The following RELN variants were observed in gnomAD, a reference collection of about 807,000 sequenced individuals.
RELN encodes the protein reelin.
RELN carries 108 observed loss-of-function variants against 427.6 expected under a neutral mutation model. The ratio of observed to expected loss-of-function variants is 0.25; its 90% CI spans 0.22 to 0.30. RELN has a LOEUF of 0.30. Among genes scored for constraint, RELN ranks in the 10% least tolerant of loss-of-function variants. The pLI, the probability that RELN is intolerant of heterozygous loss-of-function variation, is 1.00. For synonymous variants in RELN, 1,524 were observed against 1,513.4 expected (o/e 1.01, Z -0.16); for missense variants, 3,715 against 4,302.8 (o/e 0.86, Z 3.82).
intron 1 of RELN, among the ~76,000 whole-genome samples, chr7:103,964,239 A>G (rs1796618460): frequency 6.6e-6 from 1 of 152,170 alleles, no homozygotes; most frequent in Non-Finnish European, 1.5e-5. Flanking sequence ...AGATTTCCTT[A>G]TTATGTTACT....
At chr7:103,924,862 G>A (rs534767121) in intron 1 of RELN, among the ~76,000 whole-genome samples, 1 of 151,974 alleles carries the variant, frequency 6.6e-6, no homozygotes, top group Non-Finnish European at 1.5e-5. Context: ...GTTTAGATGA[G>A]AGCACTTGGT....
intron 30 of RELN, among the ~76,000 whole-genome samples, 167 bp from the exon 31 acceptor site, chr7:103,572,427 T>A (rs1830903478): frequency 6.6e-6 from 1 of 152,226 alleles, no homozygotes; most frequent in African/African-American, 2.4e-5. Flanking sequence ...GTAAGTTAAT[T>A]CTGTAACCAT....
chr7:103,489,036 C>CTGTT (rs1285767854), intron 60 of RELN, among the ~76,000 whole-genome samples: 9 of 152,290 alleles, frequency 5.9e-5, no homozygotes, highest in Admixed American at 5.9e-4. Flanking sequence ...AGGCTGAAAC[C>CTGTT]TGTTAGAAAC....
At chr7:103,913,974 G>C (rs1179832438) in intron 2 of RELN, among the ~76,000 whole-genome samples, 3 of 152,160 alleles carry the variant, frequency 2.0e-5, no homozygotes, top group African/African-American at 7.2e-5. Flanking sequence ...GGAAGTCGCT[G>C]ATGGGCTCTG....
At chr7:103,527,687 G>T (rs1456651613) in intron 46 of RELN, among the ~76,000 whole-genome samples, 1 of 152,280 alleles carries the variant, frequency 6.6e-6, no homozygotes, top group East Asian at 1.9e-4. Context: ...TATTTGCCTT[G>T]CAAGCCAAGA....
chr7:103,637,446 G>C (rs780451050), intron 17 of RELN, among the ~76,000 whole-genome samples: 7 of 152,166 alleles, frequency 4.6e-5, no homozygotes, highest in African/African-American at 7.2e-5. Flanking sequence ...GTACTACTGA[G>C]ACTTGGGTCT....
At chr7:103,812,657 TC>T (rs1792772440) in intron 3 of RELN, among the ~76,000 whole-genome samples, 1 of 152,198 alleles carries the variant, frequency 6.6e-6, no homozygotes, top group African/African-American at 2.4e-5. Context: ...CTTTTCTTTT[TC>T]TTACTACTTT....
intron 2 of RELN, among the ~76,000 whole-genome samples, chr7:103,870,594 A>G (rs996473912): frequency 6.6e-6 from 1 of 152,060 alleles, no homozygotes; most frequent in African/African-American, 2.4e-5. Flanking sequence ...CCTTATTGCC[A>G]AAGCATGACC....
At chr7:103,827,980 T>C (rs113213451) in intron 3 of RELN, among the ~76,000 whole-genome samples, 1,881 of 152,200 alleles carry the variant, frequency 0.012, 33 homozygotes, top group African/African-American at 0.042. Context: ...AATATTTGTA[T>C]GCATCCATTG....
At chr7:103,874,312 T>A in intron 2 of RELN, among the ~76,000 whole-genome samples, 1 of 133,046 alleles carries the variant, frequency 7.5e-6, no homozygotes, top group Non-Finnish European at 1.6e-5. Flanking sequence ...AGGGATGTCC[T>A]CTCTCACCAC....
At chr7:103,529,713 A>G (rs2191706) in intron 46 of RELN, among the ~76,000 whole-genome samples, 111,983 of 151,818 alleles carry the variant, frequency 0.74, 41,513 homozygotes, top group Middle Eastern at 0.8. Context: ...ATAAAGAGGC[A>G]GTACTAATAC....
chr7:103,629,040 A>T (rs1832393555), intron 20 of RELN, among the ~76,000 whole-genome samples: 1 of 152,194 alleles, frequency 6.6e-6, no homozygotes, highest in South Asian at 2.1e-4. Flanking sequence ...AACTGTGTGC[A>T]CTGCAGTTTC....
intron 3 of RELN, among the ~76,000 whole-genome samples, chr7:103,826,238 C>A (rs889823601): frequency 1.3e-5 from 2 of 151,410 alleles, no homozygotes; most frequent in African/African-American, 4.9e-5. Context: ...GTCTCCAGAA[C>A]CATTAGCCAA....
chr7:103,945,602 C>A (rs1796204875), intron 1 of RELN, among the ~76,000 whole-genome samples: 1 of 152,116 alleles, frequency 6.6e-6, no homozygotes, highest in African/African-American at 2.4e-5. Context: ...ATCCCCGTAA[C>A]CAGGTTACAA....
At chr7:103,473,287 TTAAA>T (rs1425012975) in intron 64 of RELN, among the ~76,000 whole-genome samples, 1 of 152,240 alleles carries the variant, frequency 6.6e-6, no homozygotes, top group Non-Finnish European at 1.5e-5. Flanking sequence ...ATTGCCTTAT[TTAAA>T]TATATCTTTA....
intron 30 of RELN, among the ~76,000 whole-genome samples, chr7:103,572,865 T>A (rs1314777089): frequency 6.6e-6 from 1 of 152,234 alleles, no homozygotes; most frequent in Non-Finnish European, 1.5e-5. Flanking sequence ...TTTAAAATTA[T>A]ACTTTAGTTT....
At position 103,714,334 on chromosome 7, in the gene RELN, C is replaced by T. The variant is rs530883944; in HGVS notation, c.805+8806G>A. 1.8e-4 allele frequency among the ~76,000 whole-genome samples: 28 copies of T among 152,236 alleles called. No homozygotes were observed. In the South Asian group the frequency reaches 4.8e-3, roughly 26 times the overall value. ...TTATTACTCTTATTACCTTACTGTA[C>T]ATCATATATCCACAGGGTACTTTGG... On this transcript the variant is annotated intron_variant, in intron 8 of 64. Coordinates refer to ENST00000428762, the MANE Select transcript of RELN (RefSeq NM_005045.4).
At chr7:103,476,913 A>G (rs145688590) in intron 64 of RELN, among the ~76,000 whole-genome samples, 39 of 152,344 alleles carry the variant, frequency 2.6e-4, no homozygotes, top group African/African-American at 9.1e-4. Flanking sequence ...ATTCACTGCA[A>G]TTACCAGAGA....
chr7:103,700,800 C>T, intron 9 of RELN, 110 bp downstream of exon 9: 1 of 759,026 alleles, frequency 1.3e-6, no homozygotes, highest in Non-Finnish European at 2.4e-6. Flanking sequence ...AATTAACAAC[C>T]AGAGTCCTTT....
Sources: gnomAD v4.1 joint callset for allele counts (sites outside exome capture counted in the v4.1 genomes callset) on GRCh38, gnomAD v4.1.1 for gene constraint, MANE v1.5 for transcripts, NCBI Gene and HGNC (gene_info 2026-07-23, HGNC 2026-07-21) for gene names.